The following ERC2 variants were observed in gnomAD, a reference collection of about 807,000 sequenced individuals.
ERC2 encodes ERC protein 2.
A neutral mutation model predicts 114.8 loss-of-function variants in ERC2; 42 were observed. The ratio of observed to expected loss-of-function variants is 0.37; its 90% CI spans 0.29 to 0.47. The LOEUF (loss-of-function observed/expected upper bound fraction) is 0.47. Ranked by LOEUF, ERC2 falls within the 20% of genes least tolerant of loss-of-function variation. ERC2 has a pLI of 0.99. For synonymous variants in ERC2, 454 were observed against 425.5 expected (o/e 1.07, Z -0.82); for missense variants, 939 against 1,150.7 (o/e 0.82, Z 2.66).
At chr3:56,074,006 C>CT (rs35142677) in intron 7 of ERC2, among the ~76,000 whole-genome samples, 53,089 of 151,936 alleles carry the variant, frequency 0.35, 10,087 homozygotes, top group East Asian at 0.55. Flanking sequence ...TCGTTCCCTA[C>CT]TTTTTTAAAA....
chr3:56,405,046 T>C (rs1417935096), intron 2 of ERC2, among the ~76,000 whole-genome samples: 3 of 152,040 alleles, frequency 2.0e-5, no homozygotes, highest in Admixed American at 6.6e-5. Context: ...GAGATGCAAA[T>C]ACAAATAGGT....
At chr3:55,965,885 A>G (rs980838008) in intron 12 of ERC2, among the ~76,000 whole-genome samples, 4 of 152,202 alleles carry the variant, frequency 2.6e-5, no homozygotes, top group African/African-American at 9.6e-5. Context: ...GAAGGATAAC[A>G]AAGTGGCAGA....
intron 14 of ERC2, among the ~76,000 whole-genome samples, chr3:55,751,602 G>C (rs551044044): frequency 6.6e-6 from 1 of 152,282 alleles, no homozygotes; most frequent in East Asian, 1.9e-4. Flanking sequence ...TTATCTGCTA[G>C]AGTAACATAG....
chr3:55,989,486 A>C lies in ERC2; in HGVS notation c.2255+2571T>G, dbSNP rs184012255. 1.1e-4 allele frequency among the ~76,000 whole-genome samples: 16 copies of C among 152,316 alleles called. No homozygotes were observed. The East Asian group carries it at 2.9e-3, about 28-fold the overall frequency. ...TCACTTTCTCTCCTGTATGCTAATA[A>C]AGAGGTAGATCTCTTGCAGCCCAGC... On this transcript the variant is annotated intron_variant, in intron 11 of 17. Coordinates refer to ENST00000288221, the MANE Select transcript of ERC2 (RefSeq NM_015576.3).
intron 7 of ERC2, among the ~76,000 whole-genome samples, chr3:56,048,162 G>A (rs543607226): frequency 2.0e-5 from 3 of 152,318 alleles, no homozygotes; most frequent in South Asian, 2.1e-4. Flanking sequence ...ATATTAAACC[G>A]TAAATTACTT....
At chr3:55,821,781 A>G (rs1016387451) in intron 14 of ERC2, among the ~76,000 whole-genome samples, 2 of 152,236 alleles carry the variant, frequency 1.3e-5, no homozygotes, top group Non-Finnish European at 2.9e-5. Flanking sequence ...TGTGTGTCCC[A>G]CACTGTGCAA....
chr3:55,651,019 T>C (rs1160076830), intron 17 of ERC2, among the ~76,000 whole-genome samples: 9 of 143,204 alleles, frequency 6.3e-5, no homozygotes, highest in Admixed American at 4.9e-4. Flanking sequence ...AGCTAATTTT[T>C]TTTTTTTTTT....
chr3:55,813,026 T>C (rs548297006), intron 14 of ERC2, among the ~76,000 whole-genome samples: 3 of 152,226 alleles, frequency 2.0e-5, no homozygotes, highest in Non-Finnish European at 4.4e-5. Flanking sequence ...TCAATTCTCA[T>C]AAAAGTCCAA....
chr3:56,269,823 T>C (rs1020762909), intron 3 of ERC2, among the ~76,000 whole-genome samples: 10 of 152,172 alleles, frequency 6.6e-5, no homozygotes, highest in Non-Finnish European at 1.5e-4. Flanking sequence ...TTTATAAAGA[T>C]TTCACTCAGA....
intron 17 of ERC2, among the ~76,000 whole-genome samples, chr3:55,607,134 G>A (rs1307460245): frequency 6.6e-6 from 1 of 152,168 alleles, no homozygotes; most frequent in Non-Finnish European, 1.5e-5. Context: ...GCCAGGCTCT[G>A]GAGATATCGT....
chr3:56,344,200 G>A (rs1192057891), intron 2 of ERC2, among the ~76,000 whole-genome samples: 5 of 152,160 alleles, frequency 3.3e-5, no homozygotes, highest in Middle Eastern at 3.2e-3. Flanking sequence ...GAAAACAAAC[G>A]TGAGAAAAGG....
chr3:55,748,590 C>A (rs1165823019), intron 14 of ERC2, among the ~76,000 whole-genome samples: 1 of 152,208 alleles, frequency 6.6e-6, no homozygotes, highest in Non-Finnish European at 1.5e-5. Context: ...AATGCTGGAT[C>A]ATCAGCAATA....
intron 3 of ERC2, among the ~76,000 whole-genome samples, chr3:56,252,936 G>C (rs1032795069): frequency 1.3e-5 from 2 of 152,098 alleles, no homozygotes; most frequent in Non-Finnish European, 2.9e-5. Context: ...ATACAACTGT[G>C]GGCATTGTGC....
intron 3 of ERC2, among the ~76,000 whole-genome samples, chr3:56,278,243 C>G (rs2054133511): frequency 6.6e-6 from 1 of 152,194 alleles, no homozygotes; most frequent in Non-Finnish European, 1.5e-5. Context: ...AATGACCTAG[C>G]AACATCATTA....
intron 14 of ERC2, among the ~76,000 whole-genome samples, chr3:55,834,772 G>T (rs1230283531): frequency 7.9e-6 from 1 of 125,996 alleles, no homozygotes; most frequent in Non-Finnish European, 1.6e-5. Context: ...CAGCAGAACT[G>T]AAGGAAATAG....
intron 3 of ERC2, among the ~76,000 whole-genome samples, chr3:56,284,269 G>C (rs2054539320): frequency 6.6e-6 from 1 of 152,176 alleles, no homozygotes; most frequent in African/African-American, 2.4e-5. Context: ...GGTTTCAATT[G>C]CATAAAAAGC....
At chr3:55,559,665 G>T (rs374689313) in intron 17 of ERC2, among the ~76,000 whole-genome samples, 1 of 152,200 alleles carries the variant, frequency 6.6e-6, no homozygotes, top group Non-Finnish European at 1.5e-5. Context: ...CCCATGGAGC[G>T]GCCTCAGAGG....
At chr3:55,820,967 G>C (rs376882605) in intron 14 of ERC2, among the ~76,000 whole-genome samples, 1 of 152,116 alleles carries the variant, frequency 6.6e-6, no homozygotes, top group African/African-American at 2.4e-5. Context: ...TTGGCTGCTT[G>C]TTCAGTGTTG....
intron 8 of ERC2, among the ~76,000 whole-genome samples, chr3:56,011,054 G>T: frequency 6.6e-6 from 1 of 152,256 alleles, no homozygotes; most frequent in East Asian, 1.9e-4. Context: ...TCTCTGGCTA[G>T]ATGGGAATGA....
Sources: allele counts gnomAD v4.1 joint callset (sites outside exome capture counted in the v4.1 genomes callset), GRCh38; gene constraint gnomAD v4.1.1; transcripts MANE v1.5; gene names NCBI Gene and HGNC (gene_info 2026-07-23, HGNC 2026-07-21).